TTC17: variants seen among roughly 807,000 people sequenced by gnomAD.
The protein encoded by TTC17 is tetratricopeptide repeat domain 17.
In TTC17, 58 loss-of-function variants were observed where a neutral mutation model predicts 143.8. The observed-to-expected ratio is 0.40, with a 90% CI of 0.33 to 0.50. The LOEUF (loss-of-function observed/expected upper bound fraction) is 0.50, where lower values mean the gene tolerates loss of function less well. TTC17 is among the 20% of genes least tolerant of loss of function. TTC17 has a pLI of 0.49. For synonymous variants in TTC17, 501 were observed against 497.8 expected, an observed-to-expected ratio of 1.01 and a Z score of -0.09; for missense variants, 1,273 against 1,392.5, an observed-to-expected ratio of 0.91 and a Z score of 1.37.
At chr11:43,476,898 T>G (rs959115017) in intron 21 of TTC17, among the ~76,000 whole-genome samples, 1 of 152,180 alleles carries the variant, frequency 6.6e-6, no homozygotes, top group Non-Finnish European at 1.5e-5. Context: ...CCCCAGAAAA[T>G]GGGTTTTTCT....
At chr11:43,446,139 A>T (rs1451016171) in intron 18 of TTC17, 1 of 1,364,660 alleles carries the variant, frequency 7.3e-7, no homozygotes, top group Admixed American at 2.9e-5. Context: ...ACCCTTCAAC[A>T]CCATTCTCTG....
Position 43,407,234 on chromosome 11 carries a change from A to G in TTC17, c.1839+19A>G, listed in dbSNP as rs1320180129. 6.4e-7 allele frequency: 1 copy of G among 1,565,652 alleles called. No homozygotes were observed. Among genetic ancestry groups the G allele is most frequent in the Admixed American group, 1.9e-5 (1 of 51,652 alleles). ...TAATAAGGTGAGTCATTTACTTTAG[A>G]CATCTAAAACTTAAATGCTTCTTAA... On this transcript the variant is annotated intron_variant, in intron 14 of 23. Coordinates refer to ENST00000039989, the MANE Select transcript of TTC17 (RefSeq NM_018259.6).
chr11:43,447,977 G>A, intron 18 of TTC17, 25 bp from the exon 19 acceptor site: 1 of 1,611,964 alleles, frequency 6.2e-7, no homozygotes, highest in Non-Finnish European at 8.5e-7. Context: ...CAATTGTGTG[G>A]ATTCATGGCA....
intron 16 of TTC17, among the ~76,000 whole-genome samples, chr11:43,417,210 A>C (rs1334420861): frequency 1.3e-5 from 2 of 152,160 alleles, no homozygotes; most frequent in Non-Finnish European, 2.9e-5. Context: ...ACCTTTATAG[A>C]AACCAGGAAC....
At chr11:43,421,817 T>C (rs761954949) in intron 16 of TTC17, among the ~76,000 whole-genome samples, 8 of 150,680 alleles carry the variant, frequency 5.3e-5, no homozygotes, top group Non-Finnish European at 1.2e-4. Flanking sequence ...TGTAATGTGC[T>C]CGAATTATGC....
intron 1 of TTC17, among the ~76,000 whole-genome samples, chr11:43,360,403 C>T (rs916983160): frequency 6.6e-6 from 1 of 152,146 alleles, no homozygotes; most frequent in African/African-American, 2.4e-5. Context: ...CAAGAAAACA[C>T]TGTAAGACCA....
intron 21 of TTC17, among the ~76,000 whole-genome samples, chr11:43,463,908 G>A (rs368051834): frequency 6.6e-6 from 1 of 152,290 alleles, no homozygotes; most frequent in South Asian, 2.1e-4. Context: ...TGGCAATTTC[G>A]AATACTGTAA....
chr11:43,493,901 T>C lies in TTC17; in HGVS notation c.3423T>C (p.Pro1141=), dbSNP rs762703337. ...HLMLKKGRRS[P] ...TGCTGAAGAAGGGACGGCGCTCTCC[T>C]TAGTGCACTTCTTCCTTCTCTCTTT... The change falls in exon 24 of 24, where the codon CCT becomes CCC. Residue 1141 remains proline (P), a synonymous_variant. Transcript: ENST00000039989. The C allele has an allele frequency of 6.3e-7, 1 of 1,593,768 alleles. No individual in the cohort carries two copies. The highest frequency in any genetic ancestry group is 8.6e-7 in the Non-Finnish European group (1 of 1,167,728).
At chr11:43,398,174 T>A in intron 8 of TTC17, 61 bp downstream of exon 8, 1 of 1,588,122 alleles carries the variant, frequency 6.3e-7, no homozygotes, top group East Asian at 2.3e-5. Flanking sequence ...GTTAAATCTG[T>A]GTAGGGGATA....
At chr11:43,363,144 G>A (rs1856186204) in intron 1 of TTC17, among the ~76,000 whole-genome samples, 1 of 152,184 alleles carries the variant, frequency 6.6e-6, no homozygotes, top group African/African-American at 2.4e-5. Flanking sequence ...GAGCACTAGC[G>A]TAATCAGGCC....
intron 21 of TTC17, among the ~76,000 whole-genome samples, chr11:43,469,750 T>G (rs961206159): frequency 5.9e-5 from 9 of 152,228 alleles, no homozygotes; most frequent in African/African-American, 2.2e-4. Context: ...GATATTTCTG[T>G]GTCTTTGTTA....
chr11:43,376,168 G>A (rs1856758156), intron 1 of TTC17, among the ~76,000 whole-genome samples: 1 of 152,134 alleles, frequency 6.6e-6, no homozygotes, highest in African/African-American at 2.4e-5. Context: ...TATTCAACTT[G>A]TACTTACATA....
At chr11:43,382,567 C>T (rs1857011587) in intron 2 of TTC17, among the ~76,000 whole-genome samples, 1 of 152,188 alleles carries the variant, frequency 6.6e-6, no homozygotes, top group Admixed American at 6.5e-5. Context: ...ATGTTGCTTG[C>T]TACTTTTTAA....
At chr11:43,401,914 G>T (rs1380349295) in intron 10 of TTC17, among the ~76,000 whole-genome samples, 1 of 151,872 alleles carries the variant, frequency 6.6e-6, no homozygotes, top group Non-Finnish European at 1.5e-5. Context: ...GGAGGTCAAA[G>T]CTGTAGTGAA....
intron 21 of TTC17, among the ~76,000 whole-genome samples, chr11:43,471,068 C>T (rs775328087): frequency 3.9e-5 from 6 of 152,168 alleles, no homozygotes; most frequent in Non-Finnish European, 8.8e-5. Context: ...TTGGCATTAA[C>T]CAGACTCTAT....
chr11:43,474,469 A>AT (rs765232290), intron 21 of TTC17, among the ~76,000 whole-genome samples: 2 of 152,190 alleles, frequency 1.3e-5, no homozygotes, highest in African/African-American at 4.8e-5. Flanking sequence ...AATCTACATT[A>AT]TTTTTTCAAT....
At chr11:43,453,872 T>G (rs1237939697) in intron 21 of TTC17, among the ~76,000 whole-genome samples, 2 of 152,228 alleles carry the variant, frequency 1.3e-5, no homozygotes, top group Non-Finnish European at 2.9e-5. Flanking sequence ...TTAAATGTGT[T>G]CAGAACACTT....
At chr11:43,359,327 T>A in intron 1 of TTC17, 1 of 582,888 alleles carries the variant, frequency 1.7e-6, no homozygotes, top group Non-Finnish European at 2.7e-6. Context: ...CCCTAGAAGT[T>A]CTCACCCTTC....
chr11:43,392,048 G>A, intron 5 of TTC17, 96 bp downstream of exon 5: 3 of 1,413,362 alleles, frequency 2.1e-6, no homozygotes, highest in African/African-American at 2.9e-5. Context: ...TGACTAATTT[G>A]TTTTTATCTA....
Sources: allele counts gnomAD v4.1 joint callset (sites outside exome capture counted in the v4.1 genomes callset), GRCh38; gene constraint gnomAD v4.1.1; transcripts MANE v1.5; gene names NCBI Gene and HGNC (gene_info 2026-07-23, HGNC 2026-07-21).